Variants in MYO1D observed in about 807,000 individuals in gnomAD.
MYO1D encodes unconventional myosin-Id.
In MYO1D, 83 loss-of-function variants were observed where a neutral mutation model predicts 122.0. That is an observed-to-expected ratio of 0.68 (90% CI 0.57 to 0.82). The LOEUF is 0.82. Ranked by LOEUF, MYO1D falls within the 40% of genes least tolerant of loss-of-function variation. MYO1D has a pLI of 0.00. For synonymous variants in MYO1D, 464 were observed against 446.9 expected (o/e 1.04, Z -0.48); for missense variants, 1,157 against 1,269.5 (o/e 0.91, Z 1.35).
intron 1 of MYO1D, among the ~76,000 whole-genome samples, chr17:32,869,514 C>T (rs1178787275): frequency 6.6e-6 from 1 of 152,084 alleles, no homozygotes; most frequent in Non-Finnish European, 1.5e-5. Context: ...ATACAATGAC[C>T]CAAACCAGTT....
At chr17:32,660,689 ATGTT>A in intron 16 of MYO1D, among the ~76,000 whole-genome samples, 1 of 152,190 alleles carries the variant, frequency 6.6e-6, no homozygotes, top group Non-Finnish European at 1.5e-5. Flanking sequence ...TATAAACAGA[ATGTT>A]TAAAGACAAT....
chr17:32,590,538 T>C (rs1567900370), intron 21 of MYO1D, among the ~76,000 whole-genome samples: 2 of 152,216 alleles, frequency 1.3e-5, no homozygotes, highest in Admixed American at 6.5e-5. Flanking sequence ...AGGGTTCTTC[T>C]TGGTATCCCT....
chr17:32,753,541 A>G (rs1700682871), intron 11 of MYO1D, among the ~76,000 whole-genome samples: 1 of 152,214 alleles, frequency 6.6e-6, no homozygotes, highest in South Asian at 2.1e-4. Context: ...CCACAGACAA[A>G]TTACTATTTA....
intron 20 of MYO1D, among the ~76,000 whole-genome samples, chr17:32,612,006 A>C (rs901926277): frequency 6.6e-6 from 1 of 152,224 alleles, no homozygotes; most frequent in Admixed American, 6.5e-5. Context: ...AAAGAGAATA[A>C]ATAAAACTTG....
intron 21 of MYO1D, among the ~76,000 whole-genome samples, chr17:32,561,477 C>T (rs2087125188): frequency 6.6e-6 from 1 of 151,768 alleles, no homozygotes. Context: ...ATCATGAGGT[C>T]AGGAGATCAA....
At position 32,780,759 on chromosome 17, in the gene MYO1D, A is replaced by C. The variant is rs2090228351; in HGVS notation, c.121T>G (p.Phe41Val). The C allele has an allele frequency of 6.2e-7, 1 of 1,614,046 alleles. No individual in the cohort carries two copies. Among genetic ancestry groups the C allele is most frequent in the Non-Finnish European group, 8.5e-7 (1 of 1,180,022 alleles). ...ACAGAAACGACGACTTCTCCAATGA[A>C]CGTATAGATGCGCCCTTTTTCAAAT... ...LRFEKGRIYT[F>V]IGEVVVSVNP... The change falls in exon 2 of 22, where the codon TTC becomes GTC. Residue 41 changes from phenylalanine (F) to valine (V), a missense_variant. Physicochemically the swap from Phe to Val is conservative, Grantham distance 50. Coordinates refer to ENST00000318217, the MANE Select transcript of MYO1D (RefSeq NM_015194.3).
intron 16 of MYO1D, among the ~76,000 whole-genome samples, chr17:32,662,572 C>T (rs2150955619): frequency 6.6e-6 from 1 of 152,140 alleles, no homozygotes; most frequent in Non-Finnish European, 1.5e-5. Context: ...ACTCGTGAGG[C>T]TGAGGCAGGA....
chr17:32,572,671 T>A (rs1002430048), intron 21 of MYO1D, among the ~76,000 whole-genome samples: 2 of 152,166 alleles, frequency 1.3e-5, no homozygotes, highest in African/African-American at 4.8e-5. Flanking sequence ...TGATCTGGCC[T>A]GGGTGATCTC....
At chr17:32,818,123 C>G (rs2090628691) in intron 1 of MYO1D, among the ~76,000 whole-genome samples, 1 of 34,214 alleles carries the variant, frequency 2.9e-5, no homozygotes, top group Non-Finnish European at 5.3e-5. Context: ...GAGACTCCGT[C>G]TCAAAAAAAA....
intron 1 of MYO1D, among the ~76,000 whole-genome samples, chr17:32,848,679 A>T (rs1045608538): frequency 5.3e-5 from 8 of 151,932 alleles, no homozygotes; most frequent in Non-Finnish European, 1.2e-4. Flanking sequence ...AAGTGGAAAT[A>T]CTCTTGTTTC....
At chr17:32,823,146 T>C (rs1212532306) in intron 1 of MYO1D, among the ~76,000 whole-genome samples, 1 of 152,188 alleles carries the variant, frequency 6.6e-6, no homozygotes, top group East Asian at 1.9e-4. Flanking sequence ...AGTAAAGTTT[T>C]GCTTCCTCAG....
intron 1 of MYO1D, among the ~76,000 whole-genome samples, chr17:32,818,772 G>C (rs1241655162): frequency 6.6e-6 from 1 of 152,222 alleles, no homozygotes. Flanking sequence ...AGGTTACTGT[G>C]AGGACTAAAT....
At chr17:32,589,280 C>T (rs2087417900) in intron 21 of MYO1D, among the ~76,000 whole-genome samples, 1 of 152,212 alleles carries the variant, frequency 6.6e-6, no homozygotes, top group South Asian at 2.1e-4. Context: ...ATGCTCTACG[C>T]TGTTCTCTCT....
chr17:32,868,973 C>T (rs887193595), intron 1 of MYO1D, among the ~76,000 whole-genome samples: 1 of 151,802 alleles, frequency 6.6e-6, no homozygotes, highest in Non-Finnish European at 1.5e-5. Flanking sequence ...CTTTGGGAGG[C>T]TGAGGCGGGC....
At chr17:32,559,934 A>G (rs2087102244) in intron 21 of MYO1D, among the ~76,000 whole-genome samples, 1 of 152,226 alleles carries the variant, frequency 6.6e-6, no homozygotes, top group South Asian at 2.1e-4. Context: ...GTGACACAGT[A>G]GTTATCCTAT....
chr17:32,862,191 A>T (rs1382982280), intron 1 of MYO1D, among the ~76,000 whole-genome samples: 1 of 152,208 alleles, frequency 6.6e-6, no homozygotes, highest in African/African-American at 2.4e-5. Flanking sequence ...ACATACTTGG[A>T]CACGTCATTT....
intron 21 of MYO1D, among the ~76,000 whole-genome samples, chr17:32,560,561 AT>A (rs2087113644): frequency 8.5e-6 from 1 of 118,198 alleles, no homozygotes; most frequent in African/African-American, 3.2e-5. Flanking sequence ...ATATATATAT[AT>A]ATATATATAT....
Position 32,748,992 on chromosome 17 carries a change from G to A in MYO1D, c.1482C>T (p.Asp494=), listed in dbSNP as rs1433569675. The part of the protein sequence containing the change: ...HFSSRKLCAS[D]KILEFDRDFR... ...AATCTCGATCAAACTCCAGAATTTT[G>A]TCTGAGGCACAGAGCTAAGGAATCA... Residue 494 remains aspartate, a synonymous_variant, in exon 12 of 22, where the codon GAC becomes GAT. Transcript: ENST00000318217. 6 of 1,613,484 alleles carry A rather than the reference G, an allele frequency of 3.7e-6. No individual in the cohort carries two copies. The highest frequency in any genetic ancestry group is 5.1e-6 in the Non-Finnish European group (6 of 1,179,490).
In MYO1D at chr17:32,765,035, T is replaced by A; in HGVS notation, c.878A>T (p.Asn293Ile). 6.2e-7 allele frequency: 1 copy of A among 1,614,084 alleles called. No individual in the cohort carries two copies. The highest frequency in any genetic ancestry group is 8.5e-7 in the Non-Finnish European group (1 of 1,179,976). Residue 293 changes from asparagine (N) to isoleucine (I), a missense_variant, in exon 8 of 22, where the codon AAT becomes ATT. Asn to Ile is a moderately radical substitution (Grantham distance 149). Coordinates refer to ENST00000318217, the MANE Select transcript of MYO1D (RefSeq NM_015194.3). ...VVDGDTPLIENGKVVSIIAEL... is the reference protein window; with the variant it reads ...VVDGDTPLIEIGKVVSIIAEL... ...TGCTATGATAGATACTACTTTGCCA[T>A]TCTCAATAAGAGGCGTGTCACCATC... is the stretch of plus-strand genomic sequence containing the variant.
Sources: allele counts gnomAD v4.1 joint callset (sites outside exome capture counted in the v4.1 genomes callset), GRCh38; gene constraint gnomAD v4.1.1; transcripts MANE v1.5; gene names NCBI Gene and HGNC (gene_info 2026-07-23, HGNC 2026-07-21).